GAK: variants seen among roughly 807,000 people sequenced by gnomAD.
GAK encodes the protein cyclin G associated kinase.
Under a neutral mutation model 143.9 loss-of-function variants are expected in GAK, and 79 were observed. The ratio of observed to expected loss-of-function variants is 0.55; its 90% CI spans 0.46 to 0.66. The LOEUF (loss-of-function observed/expected upper bound fraction) is 0.66. Among genes scored for constraint, GAK ranks in the 30% least tolerant of loss-of-function variants. The pLI, the probability that GAK is intolerant of heterozygous loss-of-function variation, is 0.00. For synonymous variants in GAK, 881 were observed against 765.5 expected (o/e 1.15, Z -2.49); for missense variants, 1,693 against 1,779.7 (o/e 0.95, Z 0.88).
At chr4:884,230 C>T (rs1318022268) in intron 11 of GAK, 144 bp from the exon 12 acceptor site, 10 of 666,518 alleles carry the variant, frequency 1.5e-5, no homozygotes, top group Non-Finnish European at 2.6e-5. Flanking sequence ...TGTGTGTGCA[C>T]AGGCGTGTGG....
chr4:872,958 A>G lies in GAK; in HGVS notation c.2055-2054T>C, dbSNP rs911931229. 2.0e-5 allele frequency among the ~76,000 whole-genome samples: 3 copies of G among 150,526 alleles called. No homozygotes were observed. The South Asian group carries it at 6.4e-4, about 32-fold the overall frequency. ...GGCGCAGGCTCACCACGCAGGGAAC[A>G]CGCCTCTCGCCCAGGCACGGCGCAG... On this transcript the variant is annotated intron_variant, in intron 18 of 27. Coordinates refer to ENST00000314167, the MANE Select transcript of GAK (RefSeq NM_005255.4).
chr4:882,769 C>T lies in GAK; in HGVS notation c.1455G>A (p.Leu485=), dbSNP rs770682071. The change falls in exon 14 of 28, where the codon CTG becomes CTA. Residue 485 remains leucine (L), a synonymous_variant. Coordinates refer to ENST00000314167, the MANE Select transcript of GAK (RefSeq NM_005255.4). ...AARRAPHLHT[L]YNICRNMHAW... Reference sequence around the variant, plus strand: ...CGTGCATGTTCCTGCAGATGTTGTACAGGGTGTGCAGGTGTGGGGCCCGCC... The same window carrying T: ...CGTGCATGTTCCTGCAGATGTTGTATAGGGTGTGCAGGTGTGGGGCCCGCC... The T allele has an allele frequency of 3.7e-6, 6 of 1,611,770 alleles. No individual in the cohort carries two copies. The South Asian group carries it at 5.5e-5, about 15-fold the overall frequency.
chr4:926,428 G>A (rs1253336411), intron 1 of GAK, among the ~76,000 whole-genome samples: 1 of 152,162 alleles, frequency 6.6e-6, no homozygotes, highest in African/African-American at 2.4e-5. Context: ...CACCTCCCTG[G>A]GGCTCCCAGC....
At chr4:881,192 C>G (rs1431364392) in intron 15 of GAK, among the ~76,000 whole-genome samples, 1 of 152,208 alleles carries the variant, frequency 6.6e-6, no homozygotes, top group Non-Finnish European at 1.5e-5. Context: ...CCCTCCTCTT[C>G]CCTCCCGCCA....
At chr4:868,711 C>A (rs773439644) in intron 19 of GAK, 26 bp from the exon 20 acceptor site, 1 of 1,542,924 alleles carries the variant, frequency 6.5e-7, no homozygotes. Flanking sequence ...GGCGTCAGGG[C>A]ACTGGCACTG....
intron 24 of GAK, among the ~76,000 whole-genome samples, chr4:854,800 C>T (rs553497435): frequency 6.6e-6 from 1 of 152,334 alleles, no homozygotes; most frequent in African/African-American, 2.4e-5. Context: ...AATCCCAGCA[C>T]TTTGGGAGGC....
intron 9 of GAK, 73 bp from the exon 10 acceptor site, chr4:890,695 C>A: frequency 8.0e-7 from 1 of 1,249,584 alleles, no homozygotes; most frequent in East Asian, 2.5e-5. Flanking sequence ...GGCAGAGGTA[C>A]GGTATGGGTG....
At chr4:891,276 T>C (rs927635099) in intron 9 of GAK, among the ~76,000 whole-genome samples, 28 of 151,324 alleles carry the variant, frequency 1.9e-4, no homozygotes, top group Non-Finnish European at 3.7e-4. Context: ...TTCTTTTTTT[T>C]TTTTTTGAAA....
intron 11 of GAK, chr4:884,346 TC>T: frequency 2.0e-6 from 1 of 489,108 alleles, no homozygotes; most frequent in Non-Finnish European, 3.7e-6. Flanking sequence ...AGGAGAGACA[TC>T]CGCTGTCTGA....
intron 18 of GAK, among the ~76,000 whole-genome samples, 192 bp downstream of exon 18, chr4:876,338 G>T (rs1713868550): frequency 6.6e-6 from 1 of 152,218 alleles, no homozygotes; most frequent in Non-Finnish European, 1.5e-5. Context: ...GGGCAGAGCA[G>T]CAGCCACCGG....
intron 14 of GAK, 88 bp from the exon 15 acceptor site, chr4:882,128 G>GCA: frequency 1.4e-6 from 2 of 1,408,546 alleles, no homozygotes; most frequent in Non-Finnish European, 1.9e-6. Context: ...CCCACCCTGT[G>GCA]GCTGCAGGGA....
intron 23 of GAK, among the ~76,000 whole-genome samples, chr4:864,221 C>T (rs929394183): frequency 2.0e-5 from 3 of 152,124 alleles, no homozygotes; most frequent in Admixed American, 6.5e-5. Context: ...CTTAGCTGGG[C>T]ATGGTGGCAC....
chr4:866,403 C>A lies in GAK; in HGVS notation c.3004G>T (p.Ala1002Ser), dbSNP rs779648541. ...TCGGCGCTGCAGGATGGGGGCGGAGCACTGTGGGCAGACGGGAAGGATGGT... is the reference window on the plus strand; with the variant it reads ...TCGGCGCTGCAGGATGGGGGCGGAGAACTGTGGGCAGACGGGAAGGATGGT... ...VPPSFPSAHS[A>S]PPPSCSADFL... The change falls in exon 22 of 28, where the codon GCT (alanine) becomes TCT (serine). Residue 1002 changes from alanine (A) to serine (S), a missense_variant. By Grantham distance (99) the Ala-to-Ser change is moderately conservative. Transcript: ENST00000314167. 14 of 1,613,924 alleles carry A rather than the reference C, an allele frequency of 8.7e-6. No homozygotes were observed. The highest frequency in any genetic ancestry group is 3.3e-5 in the Admixed American group (2 of 59,992).
chr4:902,825 T>G (rs1577242259), intron 5 of GAK, among the ~76,000 whole-genome samples: 1 of 152,050 alleles, frequency 6.6e-6, no homozygotes, highest in East Asian at 1.9e-4. Flanking sequence ...CACAAGCTGC[T>G]CCAACGAACC....
chr4:893,534 G>A (rs527868252), intron 8 of GAK, 45 bp from the exon 9 acceptor site: 13 of 1,395,954 alleles, frequency 9.3e-6, no homozygotes, highest in African/African-American at 1.5e-5. Flanking sequence ...TTCCCCAGGC[G>A]GGTCAGCACC....
At chr4:914,562 GC>G (rs1475506401) in intron 1 of GAK, among the ~76,000 whole-genome samples, 34 of 60,548 alleles carry the variant, frequency 5.6e-4, no homozygotes, top group African/African-American at 2.3e-3. Flanking sequence ...AGCGTGCACG[GC>G]CCCCCACACA....
At chr4:903,024 G>A (rs994760146) in intron 5 of GAK, among the ~76,000 whole-genome samples, 34 of 152,218 alleles carry the variant, frequency 2.2e-4, no homozygotes, top group Admixed American at 1.3e-4. Context: ...TCAGGGCATG[G>A]ACAGCCCACG....
intron 18 of GAK, among the ~76,000 whole-genome samples, chr4:874,470 G>A (rs531612186): frequency 1.4e-4 from 22 of 152,240 alleles, no homozygotes; most frequent in East Asian, 3.9e-4. Flanking sequence ...ATATTTCAAG[G>A]ATAATTTCAC....
At chr4:850,796 C>T (rs971963757) in intron 26 of GAK, 140 bp downstream of exon 26, 16 of 929,048 alleles carry the variant, frequency 1.7e-5, no homozygotes, top group African/African-American at 6.6e-5. Flanking sequence ...CTGGAGACGC[C>T]GGCTCCATGT....
Sources: allele counts gnomAD v4.1 joint callset (sites outside exome capture counted in the v4.1 genomes callset), GRCh38; gene constraint gnomAD v4.1.1; transcripts MANE v1.5; gene names NCBI Gene and HGNC (gene_info 2026-07-23, HGNC 2026-07-21).